EYS: variants seen among roughly 807,000 people sequenced by gnomAD.
The protein encoded by EYS is protein eyes shut homolog.
EYS carries 250 observed loss-of-function variants against 282.1 expected under a neutral mutation model. The ratio of observed to expected loss-of-function variants is 0.89; its 90% confidence interval spans 0.80 to 0.98. EYS has a LOEUF of 0.98. EYS is among the 50% of genes least tolerant of loss of function. The pLI is 0.00. For synonymous variants in EYS, 1,355 were observed against 1,282.9 expected (o/e 1.06, Z -1.20); for missense variants, 4,016 against 3,709.0 (o/e 1.08, Z -2.15).
chr6:64,883,858 T>A (rs993491011), intron 19 of EYS, among the ~76,000 whole-genome samples: 16 of 137,540 alleles, frequency 1.2e-4, no homozygotes, highest in African/African-American at 4.0e-4. Context: ...GACTCTGTGA[T>A]AGTGTTTAAT....
chr6:64,381,303 T>C (rs982306002), intron 29 of EYS, among the ~76,000 whole-genome samples: 1 of 152,168 alleles, frequency 6.6e-6, no homozygotes, highest in Admixed American at 6.6e-5. Flanking sequence ...TCTTACGTGG[T>C]TATCCCTGTA....
chr6:64,403,929 C>T (rs75774895), intron 28 of EYS, among the ~76,000 whole-genome samples: 4,724 of 152,082 alleles, frequency 0.031, 230 homozygotes, highest in African/African-American at 0.11. Context: ...GTTTTTTGTT[C>T]GTGAATCCAA....
chr6:64,818,265 A>C (rs1461250645), intron 21 of EYS, among the ~76,000 whole-genome samples: 2 of 152,030 alleles, frequency 1.3e-5, no homozygotes, highest in Non-Finnish European at 2.9e-5. Flanking sequence ...CATTTTTTTC[A>C]CTAGTCATGG....
At position 64,626,247 on chromosome 6, in the gene EYS, T is replaced by TA. The variant is rs1285895227; in HGVS notation, c.3444-3dup. ...TGACCAGAAAATCCAGGAAGACATC[T>TA]AAGGAAAAAAAATGAAAACGATATT... On this transcript the variant is annotated splice_region_variant and splice_polypyrimidine_tract_variant and intron_variant, in intron 22 of 42. Coordinates refer to ENST00000503581, the MANE Select transcript of EYS (RefSeq NM_001142800.2). The TA allele has an allele frequency of 6.6e-7, 1 of 1,518,964 alleles. No individual in the cohort carries two copies. The highest frequency in any genetic ancestry group is 8.8e-7 in the Non-Finnish European group (1 of 1,137,098). The allele number at this position is 1,518,964 out of a possible 1,614,324, so 94.1% of individuals were successfully genotyped here.
intron 28 of EYS, among the ~76,000 whole-genome samples, chr6:64,421,238 G>A (rs893959913): frequency 2.0e-5 from 3 of 152,122 alleles, no homozygotes; most frequent in African/African-American, 2.4e-5. Context: ...AACGAGAGCA[G>A]TGCAAAAGGG....
intron 31 of EYS, among the ~76,000 whole-genome samples, chr6:64,196,053 A>G (rs1252412046): frequency 6.6e-6 from 1 of 152,220 alleles, no homozygotes; most frequent in Admixed American, 6.5e-5. Flanking sequence ...ACAAGAAAAA[A>G]ACAAAGAACC....
intron 16 of EYS, among the ~76,000 whole-genome samples, chr6:64,906,012 T>G (rs1191463451): frequency 2.0e-5 from 3 of 151,592 alleles, no homozygotes; most frequent in Non-Finnish European, 2.9e-5. Flanking sequence ...CTTAATTAAA[T>G]AATCTAATTT....
intron 11 of EYS, among the ~76,000 whole-genome samples, chr6:65,316,740 T>C (rs984875436): frequency 9.2e-5 from 14 of 152,176 alleles, no homozygotes; most frequent in African/African-American, 2.7e-4. Flanking sequence ...TTTGGCTTTC[T>C]GTTCCTGTAT....
At chr6:64,676,242 A>T (rs1041590347) in intron 22 of EYS, among the ~76,000 whole-genome samples, 9 of 148,422 alleles carry the variant, frequency 6.1e-5, no homozygotes, top group Non-Finnish European at 1.2e-4. Flanking sequence ...TAGGTAGAGA[A>T]AGCTGTAATT....
intron 37 of EYS, among the ~76,000 whole-genome samples, chr6:63,803,708 C>T (rs1770834251): frequency 6.6e-6 from 1 of 152,168 alleles, no homozygotes; most frequent in South Asian, 2.1e-4. Context: ...TTATTTTATT[C>T]ATTCATTAAA....
At chr6:64,564,398 C>T (rs1765497186) in intron 26 of EYS, among the ~76,000 whole-genome samples, 1 of 149,068 alleles carries the variant, frequency 6.7e-6, no homozygotes, top group Non-Finnish European at 1.5e-5. Context: ...CTGCCTCAGC[C>T]TCCCAAGTAG....
At chr6:64,049,854 T>C (rs566372255) in intron 33 of EYS, among the ~76,000 whole-genome samples, 1 of 152,054 alleles carries the variant, frequency 6.6e-6, no homozygotes, top group African/African-American at 2.4e-5. Flanking sequence ...AAAATAGTCA[T>C]AAAAACGGGG....
At chr6:64,621,296 A>T (rs558116160) in intron 23 of EYS, among the ~76,000 whole-genome samples, 1 of 152,214 alleles carries the variant, frequency 6.6e-6, no homozygotes, top group Admixed American at 6.5e-5. Flanking sequence ...TAAGATTTAT[A>T]TATTTTATTT....
intron 28 of EYS, among the ~76,000 whole-genome samples, chr6:64,429,971 C>T (rs966084760): frequency 6.6e-6 from 1 of 152,168 alleles, no homozygotes; most frequent in Non-Finnish European, 1.5e-5. Context: ...GGATAATGTA[C>T]ACATTTCATT....
chr6:64,732,760 C>G (rs1232875245), intron 22 of EYS, among the ~76,000 whole-genome samples: 1 of 151,990 alleles, frequency 6.6e-6, no homozygotes, highest in Admixed American at 6.6e-5. Flanking sequence ...AAAAAGAGTA[C>G]AGTCTTGCCA....
intron 28 of EYS, among the ~76,000 whole-genome samples, chr6:64,404,067 A>G (rs1773624953): frequency 6.6e-6 from 1 of 152,114 alleles, no homozygotes; most frequent in East Asian, 1.9e-4. Context: ...CTATTTAATT[A>G]TGTAAAATTG....
chr6:64,960,242 A>T (rs897663546), intron 14 of EYS, among the ~76,000 whole-genome samples: 1 of 152,130 alleles, frequency 6.6e-6, no homozygotes, highest in Non-Finnish European at 1.5e-5. Flanking sequence ...TATTAATATG[A>T]ACAATAAAAG....
chr6:64,617,318 A>G, intron 24 of EYS, 100 bp downstream of exon 24: 1 of 775,382 alleles, frequency 1.3e-6, no homozygotes, highest in Non-Finnish European at 2.2e-6. Flanking sequence ...CTGAAGATTA[A>G]CTACTCCGAC....
At chr6:64,590,108 G>T (rs1582927795) in intron 26 of EYS, 115 bp downstream of exon 26, 1 of 862,796 alleles carries the variant, frequency 1.2e-6, no homozygotes, top group Non-Finnish European at 1.8e-6. Flanking sequence ...ACTGGCTGCT[G>T]CCCTGATTAC....
Sources: gnomAD v4.1 joint callset for allele counts (sites outside exome capture counted in the v4.1 genomes callset) on GRCh38, gnomAD v4.1.1 for gene constraint, MANE v1.5 for transcripts, NCBI Gene and HGNC (gene_info 2026-07-23, HGNC 2026-07-21) for gene names.